The following COL23A1 variants were observed in gnomAD, a reference collection of about 807,000 sequenced individuals.
The protein encoded by COL23A1 is collagen type XXIII alpha 1 chain.
Under a neutral mutation model 99.3 loss-of-function variants are expected in COL23A1, and 97 were observed. That is an observed-to-expected ratio of 0.98 (90% CI 0.83 to 1.16). COL23A1 has a LOEUF of 1.16. Ranked by LOEUF, COL23A1 falls within the 50% of genes most tolerant of loss-of-function variation. The probability of loss-of-function intolerance (pLI) is 0.00; values close to 1 mark genes in which losing one functional copy is unlikely to be tolerated. For synonymous variants in COL23A1, 320 were observed against 308.2 expected, an observed-to-expected ratio of 1.04 and a Z score of -0.40; for missense variants, 762 against 757.4, an observed-to-expected ratio of 1.01 and a Z score of -0.07.
chr5:178,471,739 C>T (rs1337973885), intron 2 of COL23A1, among the ~76,000 whole-genome samples: 1 of 152,104 alleles, frequency 6.6e-6, no homozygotes, highest in East Asian at 1.9e-4. Context: ...CCCTCATCAC[C>T]CATGGGCCAG....
Position 178,312,246 on chromosome 5 carries a change from G to A in COL23A1, c.362-5327C>T, listed in dbSNP as rs75341052. 1.2e-3 allele frequency among the ~76,000 whole-genome samples: 176 copies of A among 152,304 alleles called. 1 individual carries two copies. Among genetic ancestry groups the A allele is most frequent in the African/African-American group, 3.9e-3 (164 of 41,570 alleles). On this transcript the variant is annotated intron_variant, in intron 2 of 28. Coordinates refer to ENST00000390654, the MANE Select transcript of COL23A1 (RefSeq NM_173465.4). ...GTGAACCTCTGGATGAGAATGCAGAGGCTGAGCTCTTTGGGAATGAGGTTT... is the reference window on the plus strand; with the variant it reads ...GTGAACCTCTGGATGAGAATGCAGAAGCTGAGCTCTTTGGGAATGAGGTTT...
chr5:178,438,911 T>A (rs1049141011), intron 2 of COL23A1: 1 of 152,176 alleles, frequency 6.6e-6, no homozygotes, highest in Non-Finnish European at 1.5e-5. Context: ...GTGCACAGGC[T>A]TCCCCCTGTC....
intron 2 of COL23A1, among the ~76,000 whole-genome samples, chr5:178,444,110 G>A (rs533981665): frequency 6.6e-6 from 1 of 152,274 alleles, no homozygotes; most frequent in South Asian, 2.1e-4. Flanking sequence ...GGAGGTTGTG[G>A]TGGGAGGATC....
chr5:178,543,436 T>TA (rs1464632729), intron 2 of COL23A1, among the ~76,000 whole-genome samples: 1 of 152,022 alleles, frequency 6.6e-6, no homozygotes, highest in Non-Finnish European at 1.5e-5. Flanking sequence ...AGTCCTTTTT[T>TA]AAAAAAATAA....
intron 2 of COL23A1, among the ~76,000 whole-genome samples, chr5:178,518,165 T>G (rs890809880): frequency 7.2e-6 from 1 of 139,856 alleles, no homozygotes; most frequent in Non-Finnish European, 1.5e-5. Context: ...TTAATCCATT[T>G]AACCCTGAGT....
chr5:178,586,019 C>T, intron 1 of COL23A1, among the ~76,000 whole-genome samples: 1 of 152,198 alleles, frequency 6.6e-6, no homozygotes, highest in East Asian at 1.9e-4. Flanking sequence ...TTCCCTGCCC[C>T]CTTCCCTTCT....
intron 5 of COL23A1, among the ~76,000 whole-genome samples, chr5:178,272,664 C>T (rs1416779602): frequency 3.9e-5 from 6 of 152,178 alleles, no homozygotes; most frequent in Admixed American, 6.5e-5. Context: ...CTTGCCAGTT[C>T]CCGGCTGTCC....
In COL23A1 at chr5:178,313,194, A is replaced by G. The variant is rs1056346836; in HGVS notation, c.362-6275T>C. Among the ~76,000 whole-genome samples the G allele has an allele frequency of 6.6e-6, 1 of 152,086 alleles. No homozygotes were observed. Among genetic ancestry groups the G allele is most frequent in the African/African-American group, 2.4e-5 (1 of 41,426 alleles). ...GGGGGTGCCATCGGTGGGCTGGGCT[A>G]GGGGAGGCGAGACTGGGAAGTCGGT... is the stretch of plus-strand genomic sequence containing the variant. On this transcript the variant is annotated intron_variant, in intron 2 of 28. Transcript: ENST00000390654. This position sits in a 1 kb window ranked among gnomAD's most constrained non-coding sequence, Gnocchi z 4.2.
chr5:178,309,724 G>T lies in COL23A1; in HGVS notation c.362-2805C>A, dbSNP rs946022400. 4.8e-4 allele frequency among the ~76,000 whole-genome samples: 68 copies of T among 140,636 alleles called. No individual in the cohort carries two copies. Among genetic ancestry groups the T allele is most frequent in the African/African-American group, 1.8e-3 (64 of 36,524 alleles). 92.3% of individuals were successfully genotyped at this position (140,636 alleles called of 152,430 possible). ...GAGACCCCCCCCCGGGCATCATCCTGCCCCAGCCCCCAACCTGGACCCCTT... is the reference window on the plus strand; with the variant it reads ...GAGACCCCCCCCCGGGCATCATCCTTCCCCAGCCCCCAACCTGGACCCCTT... On this transcript the variant is annotated intron_variant, in intron 2 of 28. Transcript: ENST00000390654. This position sits in a 1 kb window ranked among gnomAD's most constrained non-coding sequence, Gnocchi z 4.7.
In COL23A1 at chr5:178,590,320, G is replaced by A. The variant is rs530263830; in HGVS notation, c.-123C>T. ...CCGCCGGGCGCGGGGGTTAGCCTCCGGGTAGCAGCGGATCGCCGCGCACGC... is the reference window on the plus strand; with the variant it reads ...CCGCCGGGCGCGGGGGTTAGCCTCCAGGTAGCAGCGGATCGCCGCGCACGC... On this transcript the variant is annotated 5_prime_UTR_variant, in exon 1 of 29. Transcript: ENST00000390654. This position sits in a 1 kb window ranked among gnomAD's most constrained non-coding sequence, Gnocchi z 5.7. 6 of 884,676 alleles carry A rather than the reference G, an allele frequency of 6.8e-6. No homozygotes were observed. The highest frequency in any genetic ancestry group is 8.6e-6 in the Non-Finnish European group (6 of 693,830). The allele number at this position is 884,676 out of a possible 1,614,324, so 54.8% of individuals were successfully genotyped here.
chr5:178,246,769 C>T (rs1236682917), intron 22 of COL23A1, among the ~76,000 whole-genome samples: 2 of 152,110 alleles, frequency 1.3e-5, no homozygotes, highest in Admixed American at 1.3e-4. Flanking sequence ...CGGGAGGCAG[C>T]AGAGCTGGGT....
chr5:178,266,523 TGAA>T (rs928838234), intron 8 of COL23A1, among the ~76,000 whole-genome samples: 5 of 152,198 alleles, frequency 3.3e-5, no homozygotes, highest in Non-Finnish European at 5.9e-5. Context: ...TCTAGTCTGT[TGAA>T]GAGAGGGCAT....
At chr5:178,546,493 G>C (rs1417666632) in intron 2 of COL23A1, among the ~76,000 whole-genome samples, 1 of 152,186 alleles carries the variant, frequency 6.6e-6, no homozygotes, top group Non-Finnish European at 1.5e-5. Flanking sequence ...CCCAGGATGA[G>C]GGTGCAGACC....
chr5:178,419,247 G>A (rs999020676), intron 2 of COL23A1, among the ~76,000 whole-genome samples: 23 of 152,276 alleles, frequency 1.5e-4, no homozygotes, highest in Middle Eastern at 6.8e-3. Flanking sequence ...TTTGCTCTCA[G>A]TTGCTCAGGA....
intron 5 of COL23A1, among the ~76,000 whole-genome samples, chr5:178,279,183 C>T (rs773968714): frequency 9.9e-5 from 15 of 152,210 alleles, no homozygotes; most frequent in Non-Finnish European, 1.8e-4. Flanking sequence ...GTACCCCTGG[C>T]CTGGCATTCA....
chr5:178,400,409 A>G (rs1764380810), intron 2 of COL23A1, among the ~76,000 whole-genome samples: 1 of 149,272 alleles, frequency 6.7e-6, no homozygotes, highest in African/African-American at 2.5e-5. Flanking sequence ...AATAAAATGC[A>G]TTCTTTTTGG....
intron 2 of COL23A1, among the ~76,000 whole-genome samples, chr5:178,486,204 C>T (rs1757616697): frequency 6.6e-6 from 1 of 152,150 alleles, no homozygotes; most frequent in Non-Finnish European, 1.5e-5. Context: ...CCTTGAATGT[C>T]CTGAAGATGT....
chr5:178,376,000 C>T lies in COL23A1; in HGVS notation c.362-69081G>A, dbSNP rs913003934. ...GGGATTATAGGCGTGAGCCACCACGCCCGGCTCCCATTCCCTTTTCTACAG... is the reference window on the plus strand; with the variant it reads ...GGGATTATAGGCGTGAGCCACCACGTCCGGCTCCCATTCCCTTTTCTACAG... On this transcript the variant is annotated intron_variant, in intron 2 of 28. Coordinates refer to ENST00000390654, the MANE Select transcript of COL23A1 (RefSeq NM_173465.4). Among the ~76,000 whole-genome samples, 8 of 152,234 alleles carry T rather than the reference C, an allele frequency of 5.3e-5. 1 individual carries two copies. Among genetic ancestry groups the T allele is most frequent in the Admixed American group, 4.6e-4 (7 of 15,292 alleles).
chr5:178,507,805 C>G lies in COL23A1; in HGVS notation c.361+52877G>C, dbSNP rs558448829. ...AGTGGATTTGTGTTGATGTGGATTT[C>G]TTTTTGTTTATCGTATTTTGGATTT... On this transcript the variant is annotated intron_variant, in intron 2 of 28. Transcript: ENST00000390654. Among the ~76,000 whole-genome samples the G allele has an allele frequency of 2.6e-5, 4 of 152,280 alleles. No homozygotes were observed. In the South Asian group the frequency reaches 8.3e-4, roughly 32 times the overall value.
Sources: allele counts gnomAD v4.1 joint callset (sites outside exome capture counted in the v4.1 genomes callset), GRCh38; gene constraint gnomAD v4.1.1; non-coding constraint Gnocchi (gnomAD v3.1); transcripts MANE v1.5; gene names NCBI Gene and HGNC (gene_info 2026-07-23, HGNC 2026-07-21).